NDST4: variants seen among roughly 807,000 people sequenced by gnomAD.
The protein encoded by NDST4 is N-deacetylase and N-sulfotransferase 4.
A neutral mutation model predicts 100.8 loss-of-function variants in NDST4; 63 were observed. The ratio of observed to expected loss-of-function variants is 0.62; its 90% CI spans 0.51 to 0.77. The LOEUF (loss-of-function observed/expected upper bound fraction) is 0.77. NDST4 is among the 30% of genes least tolerant of loss of function. The pLI is 0.00. For synonymous variants in NDST4, 377 were observed against 361.8 expected (o/e 1.04, Z -0.48); for missense variants, 943 against 1,018.4 (o/e 0.93, Z 1.01).
intron 2 of NDST4, among the ~76,000 whole-genome samples, chr4:115,017,904 C>T (rs1184652905): frequency 1.3e-5 from 2 of 151,474 alleles, no homozygotes; most frequent in Non-Finnish European, 2.9e-5. Context: ...CTGGTTAGAA[C>T]AATTAGATAT....
intron 1 of NDST4, among the ~76,000 whole-genome samples, chr4:115,090,539 TA>T (rs1729496870): frequency 6.6e-6 from 1 of 152,048 alleles, no homozygotes; most frequent in African/African-American, 2.4e-5. Flanking sequence ...TTGTTAATTA[TA>T]TTTGATATTT....
At chr4:115,082,234 ATT>A in intron 1 of NDST4, among the ~76,000 whole-genome samples, 1 of 152,328 alleles carries the variant, frequency 6.6e-6, no homozygotes, top group East Asian at 1.9e-4. Flanking sequence ...ATTAGAAAAT[ATT>A]ATATGATGAT....
chr4:114,926,994 C>T (rs936573148), intron 6 of NDST4, among the ~76,000 whole-genome samples: 2 of 151,926 alleles, frequency 1.3e-5, no homozygotes, highest in South Asian at 4.1e-4. Context: ...TCAAAATGGT[C>T]CTGCAAAATC....
chr4:114,878,428 A>C (rs753287821), intron 6 of NDST4, among the ~76,000 whole-genome samples: 1 of 152,212 alleles, frequency 6.6e-6, no homozygotes, highest in Non-Finnish European at 1.5e-5. Context: ...AATAATAGTA[A>C]TTAAAGAGTT....
Position 115,021,437 on chromosome 4 carries a change from A to G in NDST4, c.979-44163T>C, listed in dbSNP as rs573892831. 5.8e-4 allele frequency among the ~76,000 whole-genome samples: 88 copies of G among 151,166 alleles called. 1 individual carries two copies. The highest frequency in any genetic ancestry group is 7.0e-3 in the Middle Eastern group (2 of 286). On this transcript the variant is annotated intron_variant, in intron 2 of 13. Coordinates refer to ENST00000264363, the MANE Select transcript of NDST4 (RefSeq NM_022569.3). ...CCACATACATTCCATATATACACACATTCCACATATACACATTCCATATGT... is the reference window on the plus strand; with the variant it reads ...CCACATACATTCCATATATACACACGTTCCACATATACACATTCCATATGT...
intron 6 of NDST4, among the ~76,000 whole-genome samples, chr4:114,899,975 T>C (rs1012426550): frequency 1.3e-5 from 2 of 152,174 alleles, no homozygotes; most frequent in African/African-American, 2.4e-5. Context: ...TAGTGATCTT[T>C]GTTTTGGAAG....
chr4:114,898,859 T>C (rs986387415), intron 6 of NDST4, among the ~76,000 whole-genome samples: 4 of 152,198 alleles, frequency 2.6e-5, no homozygotes, highest in African/African-American at 9.6e-5. Context: ...AATTGACTTT[T>C]GTATATTAAC....
At chr4:114,846,388 T>C (rs1723550385) in intron 9 of NDST4, among the ~76,000 whole-genome samples, 1 of 152,244 alleles carries the variant, frequency 6.6e-6, no homozygotes, top group African/African-American at 2.4e-5. Context: ...CAAATTTGAA[T>C]GCAGAAATTA....
At chr4:114,840,578 T>G (rs1723404110) in intron 10 of NDST4, among the ~76,000 whole-genome samples, 1 of 152,100 alleles carries the variant, frequency 6.6e-6, no homozygotes, top group South Asian at 2.1e-4. Flanking sequence ...CAAGCTAAAA[T>G]GTAAGGAGAA....
Position 114,853,791 on chromosome 4 carries a change from A to C in NDST4, c.1720-970T>G, listed in dbSNP as rs376296290. Among the ~76,000 whole-genome samples the C allele has an allele frequency of 7.2e-3, 1,102 of 152,240 alleles. 86 individuals are homozygous for C. The South Asian group carries it at 0.17, about 24-fold the overall frequency. ...TGGTTCATATTTCTGTACTTTAATC[A>C]GTTCCTTTTTCACTTAATTTTTAAT... is the stretch of plus-strand genomic sequence containing the variant. On this transcript the variant is annotated intron_variant, in intron 7 of 13. Coordinates refer to ENST00000264363, the MANE Select transcript of NDST4 (RefSeq NM_022569.3).
intron 2 of NDST4, among the ~76,000 whole-genome samples, chr4:115,075,397 T>G (rs1043295609): frequency 3.3e-5 from 5 of 152,206 alleles, no homozygotes; most frequent in Admixed American, 6.5e-5. Context: ...AATAGAGTTA[T>G]ATGACTATCT....
intron 2 of NDST4, among the ~76,000 whole-genome samples, chr4:115,042,194 G>T (rs1480584696): frequency 6.6e-6 from 1 of 152,030 alleles, no homozygotes; most frequent in African/African-American, 2.4e-5. Context: ...ATATTGTGCT[G>T]CCCTGCTTCA....
chr4:114,949,314 C>A (rs2126231341), intron 4 of NDST4, among the ~76,000 whole-genome samples: 1 of 151,896 alleles, frequency 6.6e-6, no homozygotes, highest in African/African-American at 2.4e-5. Flanking sequence ...ATAAGCAAAT[C>A]TCAAAATAAT....
intron 2 of NDST4, among the ~76,000 whole-genome samples, chr4:115,035,379 A>G (rs1424658780): frequency 1.3e-5 from 2 of 152,114 alleles, no homozygotes; most frequent in Non-Finnish European, 2.9e-5. Context: ...GGAAAGATAT[A>G]TCTTATAGTT....
intron 2 of NDST4, among the ~76,000 whole-genome samples, chr4:115,031,723 G>T (rs1251978878): frequency 2.6e-5 from 4 of 152,026 alleles, no homozygotes; most frequent in Non-Finnish European, 5.9e-5. Context: ...GTAATTATAT[G>T]CAAAAATGAA....
intron 6 of NDST4, among the ~76,000 whole-genome samples, chr4:114,879,567 A>G (rs1724323465): frequency 6.6e-6 from 1 of 152,162 alleles, no homozygotes; most frequent in Non-Finnish European, 1.5e-5. Flanking sequence ...CTATTCCCTC[A>G]GTCTCACATT....
chr4:115,076,764 G>C lies in NDST4; in HGVS notation c.273C>G (p.Leu91=). 3 of 1,613,894 alleles carry C rather than the reference G, an allele frequency of 1.9e-6. No individual in the cohort carries two copies. Among genetic ancestry groups the C allele is most frequent in the Non-Finnish European group, 2.5e-6 (3 of 1,179,932 alleles). The change falls in exon 2 of 14, where the codon CTC becomes CTG. Residue 91 remains leucine (L), a synonymous_variant. Transcript: ENST00000264363. ...CCAAAATAGCTATGATATCTTGACC[G>C]AGTTGAGAGTATTGGCTCTCCACGA... The part of the protein sequence containing the change: ...LLFVESQYSQ[L]GQDIIAILES...
At chr4:114,854,824 G>C (rs915683975) in intron 7 of NDST4, among the ~76,000 whole-genome samples, 2 of 152,100 alleles carry the variant, frequency 1.3e-5, no homozygotes, top group Admixed American at 6.6e-5. Flanking sequence ...TCACATGGTA[G>C]TTCTATTTTT....
At chr4:114,975,235 G>T (rs116137233) in intron 3 of NDST4, among the ~76,000 whole-genome samples, 9 of 151,834 alleles carry the variant, frequency 5.9e-5, no homozygotes, top group Admixed American at 1.3e-4. Context: ...TGTTATAGGT[G>T]CATTTCAATG....
Sources: gnomAD v4.1 joint callset for allele counts (sites outside exome capture counted in the v4.1 genomes callset) on GRCh38, gnomAD v4.1.1 for gene constraint, MANE v1.5 for transcripts, NCBI Gene and HGNC (gene_info 2026-07-23, HGNC 2026-07-21) for gene names.